The following CELF2 variants were observed in gnomAD, a reference collection of about 807,000 sequenced individuals.
CELF2 encodes CUG triplet repeat RNA-binding protein 2.
CELF2 carries 8 observed loss-of-function variants against 62.6 expected under a neutral mutation model. The ratio of observed to expected loss-of-function variants is 0.13; its 90% CI spans 0.07 to 0.23. CELF2 has a LOEUF of 0.23. CELF2 is among the 10% of genes least tolerant of loss of function. The probability of loss-of-function intolerance (pLI) is 1.00; values close to 1 mark genes in which losing one functional copy is unlikely to be tolerated. For synonymous variants in CELF2, 258 were observed against 250.0 expected, an observed-to-expected ratio of 1.03 and a Z score of -0.30; for missense variants, 333 against 671.0, an observed-to-expected ratio of 0.50 and a Z score of 5.56.
chr10:10,675,326 C>T, the CELF2 span, among the ~76,000 whole-genome samples: 4 of 152,134 alleles, frequency 2.6e-5, no homozygotes, highest in East Asian at 3.9e-4. Flanking sequence ...TTTTTGCTTG[C>T]GTGGTTTCTG....
In CELF2 at chr10:11,329,071, C is replaced by T; in HGVS notation, c.*18C>T. 6.2e-7 allele frequency: 1 copy of T among 1,600,662 alleles called. No individual in the cohort carries two copies. The highest frequency in any genetic ancestry group is 1.1e-5 in the South Asian group (1 of 90,336). On this transcript the variant is annotated 3_prime_UTR_variant, in exon 13 of 13. Transcript: ENST00000633077. The surrounding 1 kb of genome is among the most constrained non-coding windows in gnomAD (Gnocchi z 5.5). Reference sequence around the variant, plus strand: ...CTTACTGATCCTAACCCCAGAGGCTCCCTGCTCTCATTTTAGCTTTCTTAG... The same window carrying T: ...CTTACTGATCCTAACCCCAGAGGCTTCCTGCTCTCATTTTAGCTTTCTTAG...
chr10:11,097,195 ATCACATT>A (rs1268398111), intron 1 of CELF2: 14 of 152,238 alleles, frequency 9.2e-5, no homozygotes, highest in African/African-American at 3.4e-4. Flanking sequence ...AGAGCTGCCC[ATCACATT>A]TGTTTTCCTG....
chr10:10,468,052 G>A, the CELF2 span, among the ~76,000 whole-genome samples: 13 of 152,046 alleles, frequency 8.6e-5, no homozygotes, highest in African/African-American at 2.7e-4. Flanking sequence ...TAATTTTTAG[G>A]ATTAGAAAAC....
chr10:11,334,147 G>A lies in CELF2; in HGVS notation c.*5094G>A, dbSNP rs2096077569. The A allele has an allele frequency of 1.3e-5, 2 of 152,594 alleles. No homozygotes were observed. Among genetic ancestry groups the A allele is most frequent in the Non-Finnish European group, 2.9e-5 (2 of 68,028 alleles). The allele number at this position is 152,594 out of a possible 1,614,324, so 9.5% of individuals were successfully genotyped here. On this transcript the variant is annotated 3_prime_UTR_variant, in exon 13 of 13. Transcript: ENST00000633077. ...TTACACAATAAGGTAATTAGATTTA[G>A]AAGTACTCAGTCACTTTAAGTGGAT...
At chr10:10,924,783 C>T (rs1382467411) in intron 2 of CELF2, among the ~76,000 whole-genome samples, 1 of 118,126 alleles carries the variant, frequency 8.5e-6, no homozygotes, top group Non-Finnish European at 1.6e-5. Context: ...TCAATCTAAG[C>T]AATTGGGGAA....
intron 9 of CELF2, among the ~76,000 whole-genome samples, chr10:11,312,187 A>T (rs1279437081): frequency 6.6e-6 from 1 of 152,248 alleles, no homozygotes; most frequent in Non-Finnish European, 1.5e-5. Context: ...GAAATATTTC[A>T]TGAACTAGGA....
chr10:11,294,291 A>G (rs2092891574), intron 9 of CELF2, among the ~76,000 whole-genome samples: 1 of 152,202 alleles, frequency 6.6e-6, no homozygotes, highest in Non-Finnish European at 1.5e-5. Context: ...CTCTGTGTGC[A>G]CTGCTAAGTC....
At chr10:11,063,819 G>C (rs2067391061) in intron 1 of CELF2, among the ~76,000 whole-genome samples, 1 of 152,166 alleles carries the variant, frequency 6.6e-6, no homozygotes, top group Non-Finnish European at 1.5e-5. Flanking sequence ...AGACACTTGT[G>C]CCTAGGCCTG....
At chr10:10,712,099 T>A in the CELF2 span, among the ~76,000 whole-genome samples, 4 of 139,572 alleles carry the variant, frequency 2.9e-5, no homozygotes, top group African/African-American at 1.1e-4. Flanking sequence ...TTAGCATGTC[T>A]TCCCAGATTC....
At chr10:10,850,649 C>T (rs1040838270) in intron 1 of CELF2, among the ~76,000 whole-genome samples, 2 of 152,148 alleles carry the variant, frequency 1.3e-5, no homozygotes, top group Admixed American at 6.5e-5. Flanking sequence ...CAAACAATAA[C>T]AGGTAACATT....
the CELF2 span, among the ~76,000 whole-genome samples, chr10:10,759,443 G>C: frequency 2.6e-5 from 4 of 151,594 alleles, no homozygotes; most frequent in Non-Finnish European, 5.9e-5. Context: ...CCAAGTACCT[G>C]GGATTACAGG....
At chr10:10,711,616 T>C in the CELF2 span, among the ~76,000 whole-genome samples, 1 of 152,190 alleles carries the variant, frequency 6.6e-6, no homozygotes, top group African/African-American at 2.4e-5. Flanking sequence ...GCACGGTGGC[T>C]CACGCCTGTA....
At chr10:10,504,741 T>C in the CELF2 span, among the ~76,000 whole-genome samples, 4 of 152,150 alleles carry the variant, frequency 2.6e-5, no homozygotes, top group Admixed American at 1.3e-4. Flanking sequence ...TTTTTCAGTG[T>C]ATTTCTCTCT....
At chr10:11,069,475 A>G (rs1042757613) in intron 1 of CELF2, among the ~76,000 whole-genome samples, 3 of 152,150 alleles carry the variant, frequency 2.0e-5, no homozygotes, top group African/African-American at 7.2e-5. Context: ...GAAATACGGT[A>G]TTCATATCCA....
the CELF2 span, among the ~76,000 whole-genome samples, chr10:10,705,759 A>G: frequency 6.6e-6 from 1 of 152,220 alleles, no homozygotes; most frequent in Non-Finnish European, 1.5e-5. Context: ...CGGTTCATGT[A>G]TAACATTTGG....
At chr10:11,023,569 T>C (rs1278620479) in intron 1 of CELF2, among the ~76,000 whole-genome samples, 2 of 152,236 alleles carry the variant, frequency 1.3e-5, no homozygotes, top group African/African-American at 4.8e-5. Flanking sequence ...CTCCTCCTCC[T>C]GGGAATGTAT....
intron 1 of CELF2, among the ~76,000 whole-genome samples, chr10:11,035,099 A>G (rs972903385): frequency 6.6e-6 from 1 of 152,140 alleles, no homozygotes; most frequent in African/African-American, 2.4e-5. Flanking sequence ...GATCCTTATC[A>G]CCGCCTTTCT....
chr10:10,515,558 A>G, the CELF2 span, among the ~76,000 whole-genome samples: 39 of 152,164 alleles, frequency 2.6e-4, no homozygotes, highest in Non-Finnish European at 3.8e-4. Context: ...ACTCAAAAGA[A>G]TCCTTTTTAG....
At chr10:10,615,618 G>A in the CELF2 span, among the ~76,000 whole-genome samples, 1 of 152,034 alleles carries the variant, frequency 6.6e-6, no homozygotes, top group African/African-American at 2.4e-5. Flanking sequence ...GGACCACGGG[G>A]GCAGATTTCC....
Sources: allele counts gnomAD v4.1 joint callset (sites outside exome capture counted in the v4.1 genomes callset), GRCh38; gene constraint gnomAD v4.1.1; non-coding constraint Gnocchi (gnomAD v3.1); transcripts MANE v1.5; gene names NCBI Gene and HGNC (gene_info 2026-07-23, HGNC 2026-07-21).